GPR157: variants seen among roughly 807,000 people sequenced by gnomAD.
GPR157 encodes G protein-coupled receptor 157, also known as G-protein coupled receptor 157.
In GPR157, 16 loss-of-function variants were observed where a neutral mutation model predicts 23.5. That is an observed-to-expected ratio of 0.68 (90% CI 0.46 to 1.04). The LOEUF is 1.04. GPR157 is among the 50% of genes least tolerant of loss of function. GPR157 has a pLI of 0.00. For synonymous variants in GPR157, 200 were observed against 221.5 expected (o/e 0.90, Z 0.86); for missense variants, 440 against 460.7 (o/e 0.96, Z 0.41).
chr1:9,102,536 A>C lies in GPR157; in HGVS notation c.*1883T>G, dbSNP rs1642579883. 6.6e-6 allele frequency: 1 copy of C among 152,090 alleles called. No homozygotes were observed. Among genetic ancestry groups the C allele is most frequent in the African/African-American group, 2.4e-5 (1 of 41,398 alleles). The allele number at this position is 152,090 out of a possible 1,614,324, so 9.4% of individuals were successfully genotyped here. A position where few individuals can be genotyped will look rare whatever the true frequency, so the allele number is the denominator to read the frequency against. ...TTTCCTGATACAGATTTTGGTTTTG[A>C]GAGTCAAACAGGGATCGGCAGCACA... On this transcript the variant is annotated 3_prime_UTR_variant, in exon 4 of 4. Coordinates refer to ENST00000377411, the MANE Select transcript of GPR157 (RefSeq NM_024980.5).
At chr1:9,123,989 C>G (rs938598279) in intron 1 of GPR157, among the ~76,000 whole-genome samples, 1 of 151,346 alleles carries the variant, frequency 6.6e-6, no homozygotes, top group South Asian at 2.1e-4. Flanking sequence ...CCACCACACT[C>G]GGCTAATTTT....
intron 1 of GPR157, among the ~76,000 whole-genome samples, chr1:9,113,670 G>A (rs574969575): frequency 2.6e-5 from 4 of 152,264 alleles, no homozygotes; most frequent in East Asian, 1.9e-4. Flanking sequence ...AAGGCCAGGC[G>A]CGGTGGCTCA....
Position 9,104,503 on chromosome 1 carries a change from A to C in GPR157, c.924T>G (p.Ala308=), listed in dbSNP as rs1375511729. ...CSSQPPTKSP[A]GTPKAPAPSK... is the part of the protein sequence containing the mutation. ...AAGGCGCGGGAGCCTTGGGAGTGCCAGCCGGGCTCTTGGTGGGAGGCTGAG... is the reference window on the plus strand; with the variant it reads ...AAGGCGCGGGAGCCTTGGGAGTGCCCGCCGGGCTCTTGGTGGGAGGCTGAG... The change falls in exon 4 of 4, where the codon GCT becomes GCG. Residue 308 remains alanine (A), a synonymous_variant. Coordinates refer to ENST00000377411, the MANE Select transcript of GPR157 (RefSeq NM_024980.5). 6.2e-7 allele frequency: 1 copy of C among 1,613,220 alleles called. No individual in the cohort carries two copies. Among genetic ancestry groups the C allele is most frequent in the Non-Finnish European group, 8.5e-7 (1 of 1,179,778 alleles).
intron 1 of GPR157, among the ~76,000 whole-genome samples, chr1:9,115,217 T>C (rs1638610558): frequency 6.6e-6 from 1 of 152,174 alleles, no homozygotes; most frequent in African/African-American, 2.4e-5. Context: ...TGTGCATGTG[T>C]GCATGTATGC....
intron 1 of GPR157, among the ~76,000 whole-genome samples, chr1:9,123,718 A>G (rs1638899405): frequency 8.0e-6 from 1 of 124,452 alleles, no homozygotes; most frequent in African/African-American, 3.1e-5. Context: ...ATATGTATTT[A>G]TATATAATTT....
At chr1:9,111,655 G>T (rs1254104433) in intron 1 of GPR157, among the ~76,000 whole-genome samples, 166 bp from the exon 2 acceptor site, 1 of 152,208 alleles carries the variant, frequency 6.6e-6, no homozygotes, top group East Asian at 1.9e-4. Context: ...TGCCCTGGGA[G>T]CCTGGCTCTA....
At chr1:9,114,425 T>C (rs1378858284) in intron 1 of GPR157, among the ~76,000 whole-genome samples, 1 of 151,854 alleles carries the variant, frequency 6.6e-6, no homozygotes, top group Non-Finnish European at 1.5e-5. Context: ...GTTGCAGGAT[T>C]CCGCTAAGGA....
chr1:9,127,037 C>G (rs1428716300), intron 1 of GPR157, among the ~76,000 whole-genome samples: 1 of 152,054 alleles, frequency 6.6e-6, no homozygotes, highest in Non-Finnish European at 1.5e-5. Flanking sequence ...AGGCATGCGC[C>G]ACCATGCCCA....
chr1:9,121,610 A>G (rs995817960), intron 1 of GPR157, among the ~76,000 whole-genome samples: 1 of 152,218 alleles, frequency 6.6e-6, no homozygotes, highest in Non-Finnish European at 1.5e-5. Context: ...ACTTCACTCC[A>G]GCCTGGGTGA....
chr1:9,117,361 T>A (rs1317882514), intron 1 of GPR157, among the ~76,000 whole-genome samples: 3 of 152,144 alleles, frequency 2.0e-5, no homozygotes, highest in Non-Finnish European at 1.5e-5. Flanking sequence ...ACAGGGCAGT[T>A]CTCCAGCCAG....
Position 9,102,410 on chromosome 1 carries a change from C to CA in GPR157, c.*2008dup, listed in dbSNP as rs67129142. ...TGGGCAATAGAGTGAGACTCCATCT[C>CA]AAAAAAAAAAAAAAAAAAAAAGAAA... On this transcript the variant is annotated 3_prime_UTR_variant, in exon 4 of 4. Transcript: ENST00000377411. 4,631 of 49,916 alleles carry CA rather than the reference C, an allele frequency of 0.093. 313 individuals are homozygous for CA. Among genetic ancestry groups the CA allele is most frequent in the East Asian group, 0.33 (810 of 2,454 alleles). 3.1% of individuals were successfully genotyped at this position (49,916 alleles called of 1,614,324 possible).
In GPR157 at chr1:9,104,592, A is replaced by G; in HGVS notation, c.835T>C (p.Phe279Leu). 1.2e-6 allele frequency: 2 copies of G among 1,613,040 alleles called. No homozygotes were observed. Among genetic ancestry groups the G allele is most frequent in the Non-Finnish European group, 1.7e-6 (2 of 1,179,488 alleles). Residue 279 changes from phenylalanine (F) to leucine (L), a missense_variant, in exon 4 of 4, where the codon TTC becomes CTC. Phe to Leu is a conservative substitution (Grantham distance 22, BLOSUM62 0). Transcript: ENST00000377411. ...CGGACGGCGCGGGTGCAGAGGACGA[A>G]CATGATGCAGTTGGCACCTCCCTGA... ...TFQGGANCIM[F>L]VLCTRAVRTR...
chr1:9,122,403 C>T (rs1043761477), intron 1 of GPR157, among the ~76,000 whole-genome samples: 2 of 152,154 alleles, frequency 1.3e-5, no homozygotes, highest in South Asian at 2.1e-4. Flanking sequence ...GGACACGAAA[C>T]GCTTGGGTGA....
chr1:9,112,295 C>T (rs970641886), intron 1 of GPR157, among the ~76,000 whole-genome samples: 5 of 152,220 alleles, frequency 3.3e-5, no homozygotes, highest in Non-Finnish European at 7.3e-5. Flanking sequence ...TGCTTACCTT[C>T]GGCAGGCTCT....
rs1265193491 is a variant in GPR157 at position 9,104,127 on chromosome 1, G to A, written c.*292C>T. 14 of 409,438 alleles carry A rather than the reference G, an allele frequency of 3.4e-5. No homozygotes were observed. The highest frequency in any genetic ancestry group is 5.9e-5 in the Non-Finnish European group (13 of 219,808). The allele number at this position is 409,438 out of a possible 1,614,324, so 25.4% of individuals were successfully genotyped here. A position where few individuals can be genotyped will look rare whatever the true frequency, so the allele number is the denominator to read the frequency against. On this transcript the variant is annotated 3_prime_UTR_variant, in exon 4 of 4. Transcript: ENST00000377411. ...GGACATCAAGGTCCACTGGGTGGGG[G>A]CACTGTGGCCACAGCTGTGGGCCAC...
At chr1:9,110,537 A>C (rs1408127975) in intron 2 of GPR157, among the ~76,000 whole-genome samples, 9 of 152,196 alleles carry the variant, frequency 5.9e-5, no homozygotes, top group African/African-American at 1.9e-4. Context: ...ATAAATAAAT[A>C]AATAAAACTA....
In GPR157 at chr1:9,104,654, T is replaced by C; in HGVS notation, c.793-20A>G. 6.4e-7 allele frequency: 1 copy of C among 1,553,758 alleles called. No homozygotes were observed. The highest frequency in any genetic ancestry group is 8.8e-7 in the Non-Finnish European group (1 of 1,140,748). On this transcript the variant is annotated intron_variant, in intron 3 of 3. Coordinates refer to ENST00000377411, the MANE Select transcript of GPR157 (RefSeq NM_024980.5). The stretch of plus-strand genomic sequence containing the variant: ...GATACCCTGTCGGGAGAAAAGGAGC[T>C]GTGAGCATGGGGCTGGAGTTGGTCT...
Position 9,106,328 on chromosome 1 carries a change from TC to T in GPR157, c.598-649del, listed in dbSNP as rs569747132. Among the ~76,000 whole-genome samples, 662 of 149,114 alleles carry T rather than the reference TC, an allele frequency of 4.4e-3. 9 individuals are homozygous for T. The highest frequency in any genetic ancestry group is 0.016 in the African/African-American group (641 of 40,374). On this transcript the variant is annotated intron_variant, in intron 2 of 3. Coordinates refer to ENST00000377411, the MANE Select transcript of GPR157 (RefSeq NM_024980.5). The stretch of plus-strand genomic sequence containing the variant: ...CTCCGCCTCTGCCACCCCCTCCTGC[TC>T]CCCCCTACAGTCCATTCTCAACACA...
At chr1:9,115,165 T>C (rs1638609453) in intron 1 of GPR157, among the ~76,000 whole-genome samples, 2 of 152,108 alleles carry the variant, frequency 1.3e-5, no homozygotes, top group African/African-American at 4.8e-5. Flanking sequence ...CAGTGGTGTG[T>C]TGGGAACATT....
Sources: gnomAD v4.1 joint callset for allele counts (sites outside exome capture counted in the v4.1 genomes callset) on GRCh38, gnomAD v4.1.1 for gene constraint, MANE v1.5 for transcripts, NCBI Gene and HGNC (gene_info 2026-07-23, HGNC 2026-07-21) for gene names.